SORCS2: variants seen among roughly 807,000 people sequenced by gnomAD.
SORCS2 encodes VPS10 domain-containing receptor SorCS2.
In SORCS2, 100 loss-of-function variants were observed where a neutral mutation model predicts 141.6. The ratio of observed to expected loss-of-function variants is 0.71; its 90% CI spans 0.60 to 0.83. The LOEUF is 0.83. Among genes scored for constraint, SORCS2 ranks in the 40% least tolerant of loss-of-function variants. SORCS2 has a pLI of 0.00. For missense variants in SORCS2, 1,646 were observed against 1,560.2 expected (o/e 1.05, Z -0.93); for synonymous variants, 789 against 676.9 (o/e 1.17, Z -2.57).
chr4:7,347,032 A>G (rs1429005314), intron 1 of SORCS2, among the ~76,000 whole-genome samples: 5 of 152,246 alleles, frequency 3.3e-5, no homozygotes, highest in Non-Finnish European at 7.3e-5. Flanking sequence ...ATAAGGTCAT[A>G]TCTATGAATT....
At chr4:7,711,668 T>C (rs1046579687) in intron 14 of SORCS2, among the ~76,000 whole-genome samples, 3 of 152,202 alleles carry the variant, frequency 2.0e-5, no homozygotes, top group Non-Finnish European at 4.4e-5. Flanking sequence ...TTCTGAGTGA[T>C]GGGCACACAG....
chr4:7,376,517 C>T (rs911341840), intron 1 of SORCS2, among the ~76,000 whole-genome samples: 23 of 152,242 alleles, frequency 1.5e-4, no homozygotes, highest in Admixed American at 1.4e-3. Context: ...GTGGAGGTTG[C>T]AATGAGCCAA....
chr4:7,516,177 G>C (rs1013631247), intron 2 of SORCS2, among the ~76,000 whole-genome samples: 2 of 152,194 alleles, frequency 1.3e-5, no homozygotes, highest in Non-Finnish European at 2.9e-5. Context: ...ATGCAGTCCT[G>C]GTCCTCCTGG....
At chr4:7,263,195 A>G (rs1714483844) in intron 1 of SORCS2, among the ~76,000 whole-genome samples, 1 of 152,176 alleles carries the variant, frequency 6.6e-6, no homozygotes, top group Admixed American at 6.5e-5. Flanking sequence ...ATTGTTTTAA[A>G]TACTCAATAA....
At chr4:7,373,901 A>G (rs911998389) in intron 1 of SORCS2, among the ~76,000 whole-genome samples, 4 of 152,120 alleles carry the variant, frequency 2.6e-5, no homozygotes, top group African/African-American at 9.7e-5. Context: ...TAAGTTTTAA[A>G]TGTTGATGAA....
At chr4:7,601,576 A>G (rs2158277) in intron 3 of SORCS2, among the ~76,000 whole-genome samples, 88,848 of 143,340 alleles carry the variant, frequency 0.62, 28,498 homozygotes, top group Non-Finnish European at 0.66. Flanking sequence ...CTGAGATCAC[A>G]CCACTGCACT....
At position 7,476,008 on chromosome 4, in the gene SORCS2, A is replaced by G. The variant is rs547543032; in HGVS notation, c.549-55522A>G. Among the ~76,000 whole-genome samples the G allele has an allele frequency of 7.9e-5, 12 of 152,200 alleles. No homozygotes were observed. In the East Asian group the frequency reaches 2.3e-3, roughly 30 times the overall value. ...CGGCTGCCTAGGAGAGTGAGTGGGC[A>G]CTGTGGGCCCAAGCGGAAGGAAGAC... is the stretch of plus-strand genomic sequence containing the variant. On this transcript the variant is annotated intron_variant, in intron 2 of 26. Coordinates refer to ENST00000507866, the MANE Select transcript of SORCS2 (RefSeq NM_020777.3).
At chr4:7,503,768 C>T (rs4689766) in intron 2 of SORCS2, among the ~76,000 whole-genome samples, 77,880 of 152,014 alleles carry the variant, frequency 0.51, 23,093 homozygotes, top group East Asian at 0.93. Flanking sequence ...GTTCCTGCAA[C>T]GTGTATGGAA....
chr4:7,381,950 C>G, intron 1 of SORCS2: 1 of 986,082 alleles, frequency 1.0e-6, no homozygotes, highest in Non-Finnish European at 1.2e-6. Context: ...TTCCACTAGC[C>G]TCTCTGGGCC....
Position 7,193,143 on chromosome 4 carries a change from C to A in SORCS2, c.480+17C>A. 4 of 1,504,176 alleles carry A rather than the reference C, an allele frequency of 2.7e-6. No individual in the cohort carries two copies. The highest frequency in any genetic ancestry group is 3.5e-6 in the Non-Finnish European group (4 of 1,136,198). 93.2% of individuals were successfully genotyped at this position (1,504,176 alleles called of 1,614,324 possible). A position where few individuals can be genotyped will look rare whatever the true frequency, so the allele number is the denominator to read the frequency against. On this transcript the variant is annotated intron_variant, in intron 1 of 26. Transcript: ENST00000507866. This position sits in a 1 kb window ranked among gnomAD's most constrained non-coding sequence, Gnocchi z 4.8. Reference sequence around the variant, plus strand: ...AACAGCAGCGTAAGTGACCTCCACGCGCTCGCCGCGGCCCCTACCCGGGAC... The same window carrying A: ...AACAGCAGCGTAAGTGACCTCCACGAGCTCGCCGCGGCCCCTACCCGGGAC...
At chr4:7,674,097 A>G (rs571548273) in intron 8 of SORCS2, among the ~76,000 whole-genome samples, 1 of 152,128 alleles carries the variant, frequency 6.6e-6, no homozygotes, top group African/African-American at 2.4e-5. Context: ...TGGGCTCTGC[A>G]TCACCCATGG....
intron 1 of SORCS2, among the ~76,000 whole-genome samples, chr4:7,288,015 C>G (rs1028759500): frequency 3.3e-5 from 5 of 152,200 alleles, no homozygotes; most frequent in African/African-American, 1.2e-4. Flanking sequence ...CGTTGCTGTC[C>G]CCGCCGTCGA....
At chr4:7,412,932 T>C (rs1725412897) in intron 2 of SORCS2, among the ~76,000 whole-genome samples, 2 of 152,152 alleles carry the variant, frequency 1.3e-5, no homozygotes, top group African/African-American at 2.4e-5. Context: ...TTTTGTGTTC[T>C]CTGCACCTGG....
intron 2 of SORCS2, among the ~76,000 whole-genome samples, chr4:7,438,491 A>T (rs1727448823): frequency 6.6e-6 from 1 of 152,172 alleles, no homozygotes; most frequent in South Asian, 2.1e-4. Context: ...CTTGTTCCTC[A>T]TCAAATGTTT....
chr4:7,531,681 C>A (rs563280543), intron 3 of SORCS2, 52 bp downstream of exon 3: 1 of 1,548,390 alleles, frequency 6.5e-7, no homozygotes, highest in South Asian at 1.1e-5. Flanking sequence ...TTGTGCCGCT[C>A]ACTCTGCAGA....
intron 2 of SORCS2, among the ~76,000 whole-genome samples, chr4:7,427,059 G>A (rs1025168905): frequency 4.6e-5 from 7 of 152,054 alleles, no homozygotes; most frequent in African/African-American, 1.7e-4. Context: ...TTGAGCCCTC[G>A]CCTGCCTTGG....
chr4:7,551,754 C>T (rs144765810), intron 3 of SORCS2, among the ~76,000 whole-genome samples: 16 of 152,302 alleles, frequency 1.1e-4, no homozygotes, highest in African/African-American at 2.9e-4. Context: ...AGGCAGCACG[C>T]GAGCCAAGCT....
At chr4:7,335,762 G>T (rs1170990678) in intron 1 of SORCS2, among the ~76,000 whole-genome samples, 2 of 152,230 alleles carry the variant, frequency 1.3e-5, no homozygotes, top group Non-Finnish European at 2.9e-5. Context: ...GACTTGCTCG[G>T]GCTCCCGGCT....
At chr4:7,532,940 C>T (rs770940393) in intron 3 of SORCS2, among the ~76,000 whole-genome samples, 3 of 151,784 alleles carry the variant, frequency 2.0e-5, no homozygotes, top group African/African-American at 7.3e-5. Context: ...CCTGGGGACA[C>T]GAGAGGCGCC....
Sources: allele counts gnomAD v4.1 joint callset (sites outside exome capture counted in the v4.1 genomes callset), GRCh38; gene constraint gnomAD v4.1.1; non-coding constraint Gnocchi (gnomAD v3.1); transcripts MANE v1.5; gene names NCBI Gene and HGNC (gene_info 2026-07-23, HGNC 2026-07-21).